GALNT17: variants seen among roughly 807,000 people sequenced by gnomAD.
The protein encoded by GALNT17 is polypeptide N-acetylgalactosaminyltransferase 17, also known as UDP-GalNAc:polypeptide N-acetylgalactosaminyltransferase-like 3.
In GALNT17, 29 loss-of-function variants were observed where a neutral mutation model predicts 63.7. The ratio of observed to expected loss-of-function variants is 0.46; its 90% CI spans 0.34 to 0.62. GALNT17 has a LOEUF of 0.62. GALNT17 is among the 20% of genes least tolerant of loss of function. GALNT17 has a pLI of 0.01. For missense variants in GALNT17, 603 were observed against 799.6 expected, an observed-to-expected ratio of 0.75 and a Z score of 2.97; for synonymous variants, 305 against 318.3, an observed-to-expected ratio of 0.96 and a Z score of 0.45.
chr7:71,456,671 T>TAA (rs35282895), intron 5 of GALNT17, among the ~76,000 whole-genome samples: 5 of 142,008 alleles, frequency 3.5e-5, no homozygotes, highest in African/African-American at 1.0e-4. Flanking sequence ...GCAGACTCCA[T>TAA]AAAAAAAAAA....
At chr7:71,427,260 A>AT (rs559324303) in intron 5 of GALNT17, among the ~76,000 whole-genome samples, 103 of 149,192 alleles carry the variant, frequency 6.9e-4, no homozygotes, top group African/African-American at 2.2e-3. Flanking sequence ...TTTTATTTTA[A>AT]TTTTTTTTTG....
At chr7:71,272,749 C>T (rs1790615547) in intron 1 of GALNT17, among the ~76,000 whole-genome samples, 1 of 152,194 alleles carries the variant, frequency 6.6e-6, no homozygotes, top group Non-Finnish European at 1.5e-5. Context: ...GAGGCAGGCA[C>T]AGTAACAGGG....
intron 1 of GALNT17, among the ~76,000 whole-genome samples, chr7:71,236,219 T>G (rs543337985): frequency 2.0e-5 from 3 of 151,888 alleles, no homozygotes; most frequent in South Asian, 4.2e-4. Flanking sequence ...AAATCTACTC[T>G]CTTAGGAAAA....
At chr7:71,709,638 C>A (rs1791764779) in intron 9 of GALNT17, among the ~76,000 whole-genome samples, 1 of 151,406 alleles carries the variant, frequency 6.6e-6, no homozygotes, top group Admixed American at 6.6e-5. Context: ...CACTCTGTTG[C>A]CCAGGCTGGA....
At chr7:71,188,896 A>G (rs558339736) in intron 1 of GALNT17, among the ~76,000 whole-genome samples, 83 of 152,242 alleles carry the variant, frequency 5.5e-4, no homozygotes, top group Admixed American at 3.4e-3. Context: ...AATAGGAGAG[A>G]GCTTTTCTGG....
chr7:71,373,225 A>G (rs1350903963), intron 2 of GALNT17, among the ~76,000 whole-genome samples: 1 of 152,182 alleles, frequency 6.6e-6, no homozygotes, highest in African/African-American at 2.4e-5. Context: ...CGTTCTTACC[A>G]GGAATGGTGG....
chr7:71,224,629 G>A (rs1368487597), intron 1 of GALNT17, among the ~76,000 whole-genome samples: 1 of 152,138 alleles, frequency 6.6e-6, no homozygotes, highest in East Asian at 1.9e-4. Flanking sequence ...CTTTTCTAGG[G>A]CTTTTGGAAA....
At chr7:71,256,446 C>T (rs1432356509) in intron 1 of GALNT17, among the ~76,000 whole-genome samples, 1 of 152,210 alleles carries the variant, frequency 6.6e-6, no homozygotes, top group Non-Finnish European at 1.5e-5. Flanking sequence ...TGGCACATGT[C>T]TGTAGTCCCA....
chr7:71,136,989 GTTGC>G (rs1054851360), intron 1 of GALNT17, among the ~76,000 whole-genome samples: 1 of 151,574 alleles, frequency 6.6e-6, no homozygotes, highest in Non-Finnish European at 1.5e-5. Context: ...GTTCTGCCAT[GTTGC>G]CAGGGCTGGT....
At chr7:71,190,100 A>G (rs987146674) in intron 1 of GALNT17, among the ~76,000 whole-genome samples, 3 of 152,146 alleles carry the variant, frequency 2.0e-5, no homozygotes. Context: ...CATGAGCCAT[A>G]GCACCTGGCT....
At chr7:71,186,513 G>T (rs1326321922) in intron 1 of GALNT17, among the ~76,000 whole-genome samples, 1 of 152,188 alleles carries the variant, frequency 6.6e-6, no homozygotes, top group Non-Finnish European at 1.5e-5. Context: ...GTCCTAGCTG[G>T]AGAGTGTAAG....
At chr7:71,411,113 G>A (rs1793421833) in intron 3 of GALNT17, among the ~76,000 whole-genome samples, 1 of 152,042 alleles carries the variant, frequency 6.6e-6, no homozygotes, top group Admixed American at 6.6e-5. Context: ...CTTAGGTGAA[G>A]GGGTGACTTT....
At chr7:71,680,924 GGGTCTTGCT>G (rs1429865856) in intron 9 of GALNT17, among the ~76,000 whole-genome samples, 13 of 147,940 alleles carry the variant, frequency 8.8e-5, no homozygotes, top group Admixed American at 4.1e-4. Context: ...TTAAGAGATA[GGGTCTTGCT>G]GTGTTACCCA....
At chr7:71,429,581 TG>T (rs1786822230) in intron 5 of GALNT17, among the ~76,000 whole-genome samples, 1 of 152,216 alleles carries the variant, frequency 6.6e-6, no homozygotes. Context: ...CTCACTCTGT[TG>T]CCCAGGCTAG....
At chr7:71,306,889 T>C (rs142168284) in intron 1 of GALNT17, among the ~76,000 whole-genome samples, 2,197 of 152,194 alleles carry the variant, frequency 0.014, 26 homozygotes, top group Middle Eastern at 0.027. Flanking sequence ...AGTGGCACAG[T>C]CTCAGCTCAC....
At chr7:71,425,226 ATT>A (rs777436949) in intron 5 of GALNT17, among the ~76,000 whole-genome samples, 10 of 144,606 alleles carry the variant, frequency 6.9e-5, no homozygotes, top group African/African-American at 1.0e-4. Context: ...GGTCTTCAGA[ATT>A]TTTTTTTTTT....
chr7:71,505,218 A>T (rs1202138761), intron 5 of GALNT17, among the ~76,000 whole-genome samples: 1 of 152,044 alleles, frequency 6.6e-6, no homozygotes, highest in Admixed American at 6.6e-5. Flanking sequence ...TCCCCAGGCC[A>T]CAGGACCTTT....
intron 5 of GALNT17, among the ~76,000 whole-genome samples, chr7:71,549,435 G>C (rs1789038376): frequency 6.6e-6 from 1 of 152,072 alleles, no homozygotes; most frequent in South Asian, 2.1e-4. Context: ...TGGCATGGTG[G>C]TGCATGCCTG....
chr7:71,571,878 T>C (rs1204706439), intron 6 of GALNT17, among the ~76,000 whole-genome samples: 2 of 151,876 alleles, frequency 1.3e-5, no homozygotes, highest in East Asian at 3.9e-4. Flanking sequence ...CCAAGCGTGA[T>C]GGTGCATGTC....
Sources: allele counts gnomAD v4.1 joint callset (sites outside exome capture counted in the v4.1 genomes callset), GRCh38; gene constraint gnomAD v4.1.1; transcripts MANE v1.5; gene names NCBI Gene and HGNC (gene_info 2026-07-23, HGNC 2026-07-21).